The following DPP6 variants were observed in gnomAD, a reference collection of about 807,000 sequenced individuals.
The protein encoded by DPP6 is dipeptidyl peptidase like 6.
A neutral mutation model predicts 122.6 loss-of-function variants in DPP6; 69 were observed. That is an observed-to-expected ratio of 0.56 (90% CI 0.46 to 0.69). DPP6 has a LOEUF of 0.69. Among genes scored for constraint, DPP6 ranks in the 30% least tolerant of loss-of-function variants. DPP6 has a pLI of 0.00. For synonymous variants in DPP6, 418 were observed against 433.1 expected, an observed-to-expected ratio of 0.97 and a Z score of 0.43; for missense variants, 928 against 1,116.9, an observed-to-expected ratio of 0.83 and a Z score of 2.41.
At chr7:154,735,925 C>T (rs1842550037) in intron 8 of DPP6, among the ~76,000 whole-genome samples, 1 of 152,234 alleles carries the variant, frequency 6.6e-6, no homozygotes, top group Non-Finnish European at 1.5e-5. Flanking sequence ...TGCACCTGTT[C>T]CTCACTTGAC....
At chr7:154,652,991 C>G (rs1410040695) in intron 6 of DPP6, among the ~76,000 whole-genome samples, 1 of 152,176 alleles carries the variant, frequency 6.6e-6, no homozygotes, top group African/African-American at 2.4e-5. Context: ...AGGAACTTCT[C>G]TTTGTCCTTC....
chr7:154,784,739 C>T (rs535973133), intron 10 of DPP6, among the ~76,000 whole-genome samples: 94 of 152,306 alleles, frequency 6.2e-4, no homozygotes, highest in Admixed American at 8.5e-4. Flanking sequence ...AAAGAGCAAG[C>T]TCTCAGGTCT....
chr7:154,843,384 G>A (rs1584870711), intron 16 of DPP6, among the ~76,000 whole-genome samples: 1 of 152,252 alleles, frequency 6.6e-6, no homozygotes, highest in South Asian at 2.1e-4. Flanking sequence ...TATTGGCTGG[G>A]AAAAAAACAG....
intron 1 of DPP6, among the ~76,000 whole-genome samples, chr7:154,062,297 C>CG (rs1388708389): frequency 3.8e-5 from 3 of 79,968 alleles, no homozygotes; most frequent in African/African-American, 1.1e-4. Context: ...CCTCTTCCCC[C>CG]CCGGCTCTGA....
chr7:153,752,005 G>A, the DPP6 span, among the ~76,000 whole-genome samples: 5 of 152,164 alleles, frequency 3.3e-5, no homozygotes, highest in Admixed American at 3.3e-4. Context: ...GGGATCCTAA[G>A]GTACCAGTGT....
At position 154,054,655 on chromosome 7, in the gene DPP6, A is replaced by G. The variant is rs868617244; in HGVS notation, c.243+1592A>G. On this transcript the variant is annotated intron_variant, in intron 1 of 25. Transcript: ENST00000377770. The stretch of plus-strand genomic sequence containing the variant: ...GACAGATCCTTCAGTCATCTGGTTC[A>G]AGTCTTTGGCAAATGGTTTAATTGG... Among the ~76,000 whole-genome samples, 14 of 151,968 alleles carry G rather than the reference A, an allele frequency of 9.2e-5. 1 individual carries two copies. The highest frequency in any genetic ancestry group is 8.4e-4 in the South Asian group (4 of 4,780).
At chr7:154,181,956 G>A (rs1798112399) in intron 1 of DPP6, among the ~76,000 whole-genome samples, 1 of 151,990 alleles carries the variant, frequency 6.6e-6, no homozygotes, top group Non-Finnish European at 1.5e-5. Context: ...GTTTCACCAT[G>A]TTGATCAGGC....
At chr7:153,828,236 G>A in the DPP6 span, among the ~76,000 whole-genome samples, 1 of 152,234 alleles carries the variant, frequency 6.6e-6, no homozygotes, top group South Asian at 2.1e-4. Context: ...AATATCTTGG[G>A]TACCCAGGGG....
chr7:154,717,881 G>GT (rs986082058), intron 7 of DPP6, among the ~76,000 whole-genome samples: 1 of 151,962 alleles, frequency 6.6e-6, no homozygotes, highest in Admixed American at 6.6e-5. Context: ...TGTATAAAAG[G>GT]CCCCCCCTTA....
Position 154,191,610 on chromosome 7 carries a change from AGATT to A in DPP6, c.243+138554_243+138557del, listed in dbSNP as rs373514472. Among the ~76,000 whole-genome samples the A allele has an allele frequency of 2.3e-3, 350 of 152,326 alleles. 2 individuals carry two copies. The highest frequency in any genetic ancestry group is 8.3e-3 in the African/African-American group (343 of 41,566). Reference sequence around the variant, plus strand: ...AGCTATTGAATGAGGAATGGGTAGAAGATTGATTGAATGAATGAATGAAGCTAGC... The same window carrying A: ...AGCTATTGAATGAGGAATGGGTAGAAGATTGAATGAATGAATGAAGCTAGC... On this transcript the variant is annotated intron_variant, in intron 1 of 25. Coordinates refer to ENST00000377770, the MANE Select transcript of DPP6 (RefSeq NM_130797.4).
At chr7:153,998,021 T>C (rs147071132) in intron 1 of DPP6, among the ~76,000 whole-genome samples, 1,706 of 151,350 alleles carry the variant, frequency 0.011, 55 homozygotes, top group African/African-American at 0.039. Context: ...TCAGGATGTC[T>C]CCACGAAGGT....
chr7:154,323,751 A>T (rs773819033), intron 1 of DPP6, among the ~76,000 whole-genome samples: 4 of 152,002 alleles, frequency 2.6e-5, no homozygotes, highest in Non-Finnish European at 4.4e-5. Context: ...GACAAGGGGG[A>T]GCCATGCTGT....
chr7:154,521,971 T>G (rs975004146), intron 3 of DPP6, among the ~76,000 whole-genome samples: 3 of 152,028 alleles, frequency 2.0e-5, no homozygotes, highest in Non-Finnish European at 4.4e-5. Flanking sequence ...TCTAACTCTT[T>G]TTTTTTTCTT....
At chr7:154,858,389 CAT>C (rs1563290135) in intron 17 of DPP6, 4 of 152,398 alleles carry the variant, frequency 2.6e-5, no homozygotes, top group East Asian at 3.9e-4. Context: ...TTCTTCCAGA[CAT>C]GTGGTCATTG....
In DPP6 at chr7:154,074,825, C is replaced by T. The variant is rs1803439582; in HGVS notation, c.243+21762C>T. Reference sequence around the variant, plus strand: ...TGGTATATGCCTTTCATAAGCAAGTCACTATTTTCTTGAAAAGAAATGGAA... The same window carrying T: ...TGGTATATGCCTTTCATAAGCAAGTTACTATTTTCTTGAAAAGAAATGGAA... On this transcript the variant is annotated intron_variant, in intron 1 of 25. Coordinates refer to ENST00000377770, the MANE Select transcript of DPP6 (RefSeq NM_130797.4). Among the ~76,000 whole-genome samples, 7 of 151,288 alleles carry T rather than the reference C, an allele frequency of 4.6e-5. No individual in the cohort carries two copies. In the South Asian group the frequency reaches 1.5e-3, roughly 32 times the overall value.
intron 6 of DPP6, among the ~76,000 whole-genome samples, chr7:154,645,061 G>GT (rs538662916): frequency 0.022 from 2,670 of 121,844 alleles, 41 homozygotes; most frequent in African/African-American, 0.029. Context: ...TTATTTGTTG[G>GT]TTTTTTTTTT....
At chr7:154,149,050 A>G (rs1441062337) in intron 1 of DPP6, among the ~76,000 whole-genome samples, 2 of 152,208 alleles carry the variant, frequency 1.3e-5, no homozygotes, top group African/African-American at 2.4e-5. Flanking sequence ...CAGCAGACCT[A>G]TGCTGGGCAG....
chr7:154,214,504 T>G (rs1799897008), intron 1 of DPP6, among the ~76,000 whole-genome samples: 1 of 152,186 alleles, frequency 6.6e-6, no homozygotes, highest in South Asian at 2.1e-4. Context: ...TGGGCACACT[T>G]GGGTTCAAAG....
intron 9 of DPP6, among the ~76,000 whole-genome samples, chr7:154,770,901 G>A (rs1796212516): frequency 6.6e-6 from 1 of 152,252 alleles, no homozygotes; most frequent in Non-Finnish European, 1.5e-5. Context: ...TGGACACATA[G>A]AGTCTGCCAT....
Sources: gnomAD v4.1 joint callset for allele counts (sites outside exome capture counted in the v4.1 genomes callset) on GRCh38, gnomAD v4.1.1 for gene constraint, MANE v1.5 for transcripts, NCBI Gene and HGNC (gene_info 2026-07-23, HGNC 2026-07-21) for gene names.